The following UGT2B28 variants were observed in gnomAD, a reference collection of about 807,000 sequenced individuals.
UGT2B28 encodes the protein UDP glucuronosyltransferase family 2 member B28.
UGT2B28 carries 45 observed loss-of-function variants against 43.6 expected under a neutral mutation model. That is an observed-to-expected ratio of 1.03 (90% confidence interval 0.81 to 1.32). UGT2B28 has a LOEUF of 1.32. UGT2B28 is among the 40% of genes most tolerant of loss of function. UGT2B28 has a pLI of 0.00. For missense variants in UGT2B28, 649 were observed against 625.5 expected, an observed-to-expected ratio of 1.04 and a Z score of -0.40; for synonymous variants, 204 against 208.1, an observed-to-expected ratio of 0.98 and a Z score of 0.17.
At position 69,280,700 on chromosome 4, in the gene UGT2B28, A is replaced by G. The variant is rs1723571826; in HGVS notation, c.200A>G (p.Asn67Ser). The G allele has an allele frequency of 5.1e-6, 8 of 1,560,816 alleles. 1 individual carries two copies. Among genetic ancestry groups the G allele is most frequent in the Non-Finnish European group, 6.9e-6 (8 of 1,155,958 alleles). Residue 67 changes from asparagine (N) to serine (S), a missense_variant, in exon 1 of 6, where the codon AAT becomes AGT. By Grantham distance (46) the Asn-to-Ser change is conservative. Transcript: ENST00000335568. Reference protein sequence around the residue: ...ASSASILFDPNDAFTLKLEVY... With the variant: ...ASSASILFDPSDAFTLKLEVY... ...TCAGCTTCCATTCTTTTTGATCCCA[A>G]TGACGCATTCACTCTTAAACTCGAA...
At position 69,294,473 on chromosome 4, in the gene UGT2B28, T is replaced by A. The variant is rs561778775; in HGVS notation, c.1311-57T>A. 6.4e-6 allele frequency: 9 copies of A among 1,409,208 alleles called. 1 individual carries two copies. Among genetic ancestry groups the A allele is most frequent in the African/African-American group, 4.9e-5 (3 of 60,964 alleles). The allele number at this position is 1,409,208 out of a possible 1,614,324, so 87.3% of individuals were successfully genotyped here. A position where few individuals can be genotyped will look rare whatever the true frequency, so the allele number is the denominator to read the frequency against. ...CTTTAAAAGCCTTTCATAGACTTGA[T>A]ACATACAGGCCAGTTAACTTACTTT... On this transcript the variant is annotated intron_variant, in intron 5 of 5. Transcript: ENST00000335568.
In UGT2B28 at chr4:69,280,862, A is replaced by T; in HGVS notation, c.362A>T (p.Asp121Val). 1 of 1,559,292 alleles carries T rather than the reference A, an allele frequency of 6.4e-7. No individual in the cohort carries two copies. The highest frequency in any genetic ancestry group is 8.7e-7 in the Non-Finnish European group (1 of 1,155,548). ...QEQEILWEFHDIFRNFCKDVV... is the reference protein window; with the variant it reads ...QEQEILWEFHVIFRNFCKDVV... The stretch of plus-strand genomic sequence containing the variant: ...CAAGAAATCCTGTGGGAATTTCATG[A>T]CATATTTAGAAACTTCTGTAAAGAT... Residue 121 changes from aspartate (D) to valine (V), a missense_variant, in exon 1 of 6, where the codon GAC (aspartate) becomes GTC (valine). Transcript: ENST00000335568.
chr4:69,287,474 A>T (rs1430927795), intron 3 of UGT2B28, among the ~76,000 whole-genome samples: 1 of 140,952 alleles, frequency 7.1e-6, no homozygotes, highest in African/African-American at 2.8e-5. Flanking sequence ...ACAATTAAGG[A>T]ATGTACTATT....
At position 69,289,851 on chromosome 4, in the gene UGT2B28, A is replaced by G; in HGVS notation, c.1090+99A>G. 8 of 1,256,472 alleles carry G rather than the reference A, an allele frequency of 6.4e-6. 1 individual carries two copies. In the South Asian group the frequency reaches 1.3e-4, roughly 20 times the overall value. 77.8% of individuals were successfully genotyped at this position (1,256,472 alleles called of 1,614,324 possible). ...ATGCTTATTGAATATTTATTATAGGAAAACAAAAAGAACTTCTTTGTATTT... is the reference window on the plus strand; with the variant it reads ...ATGCTTATTGAATATTTATTATAGGGAAACAAAAAGAACTTCTTTGTATTT... On this transcript the variant is annotated intron_variant, in intron 4 of 5. Coordinates refer to ENST00000335568, the MANE Select transcript of UGT2B28 (RefSeq NM_053039.2).
intron 2 of UGT2B28, among the ~76,000 whole-genome samples, chr4:69,283,637 T>G (rs1723687288): frequency 7.1e-6 from 1 of 140,764 alleles, no homozygotes. Context: ...ACAAAACACT[T>G]AAAATGTCTC....
Position 69,281,036 on chromosome 4 carries a change from C to T in UGT2B28, c.536C>T (p.Thr179Ile). 3.2e-6 allele frequency: 5 copies of T among 1,559,302 alleles called. 1 individual carries two copies. The highest frequency in any genetic ancestry group is 4.3e-6 in the Non-Finnish European group (5 of 1,155,300). Residue 179 changes from threonine to isoleucine, a missense_variant, in exon 1 of 6, where the codon ACA (threonine) becomes ATA (isoleucine). Transcript: ENST00000335568. ...AGTCTCTGCTTCACTCCTGGCTACA[C>T]AATTGAAAGGCACAGTGGAGGACTG... ...VYSLCFTPGY[T>I]IERHSGGLIF...
At chr4:69,285,995 A>G (rs1469208015) in intron 2 of UGT2B28, among the ~76,000 whole-genome samples, 2 of 141,232 alleles carry the variant, frequency 1.4e-5, no homozygotes, top group African/African-American at 5.5e-5. Flanking sequence ...CTCCACCTAA[A>G]CAATAACCTG....
Position 69,289,648 on chromosome 4 carries a change from T to G in UGT2B28, c.1003-17T>G, listed in dbSNP as rs1319317178. 2.6e-6 allele frequency: 4 copies of G among 1,533,372 alleles called. No homozygotes were observed. The East Asian group carries it at 9.3e-5, about 36-fold the overall frequency. 95.0% of individuals were successfully genotyped at this position (1,533,372 alleles called of 1,614,324 possible). ...GAGTTCCACTCATGGAATAAGATAT[T>G]CTCTTTACTGTAACAGGTTCTGTGG... On this transcript the variant is annotated splice_polypyrimidine_tract_variant and intron_variant, in intron 3 of 5. Coordinates refer to ENST00000335568, the MANE Select transcript of UGT2B28 (RefSeq NM_053039.2).
intron 3 of UGT2B28, among the ~76,000 whole-genome samples, chr4:69,287,790 A>T (rs1269881202): frequency 1.4e-5 from 2 of 140,606 alleles, no homozygotes; most frequent in Non-Finnish European, 1.5e-5. Flanking sequence ...TATATAGAAT[A>T]AACCAGGGAC....
In UGT2B28 at chr4:69,287,752, T is replaced by A. The variant is rs1163216151; in HGVS notation, c.1002+869T>A. ...GGAACAGGTTTAGATGTCCCCTCCA[T>A]AGAACATAGTAGGAATGTATTTTCT... On this transcript the variant is annotated intron_variant, in intron 3 of 5. Transcript: ENST00000335568. Among the ~76,000 whole-genome samples, 3 of 140,312 alleles carry A rather than the reference T, an allele frequency of 2.1e-5. 1 individual carries two copies. The highest frequency in any genetic ancestry group is 8.4e-5 in the African/African-American group (3 of 35,894). 92.1% of individuals were successfully genotyped at this position (140,312 alleles called of 152,430 possible). A position where few individuals can be genotyped will look rare whatever the true frequency, so the allele number is the denominator to read the frequency against.
In UGT2B28 at chr4:69,280,809, T is replaced by G. The variant is rs765016723; in HGVS notation, c.309T>G (p.Asp103Glu). 6.4e-7 allele frequency: 1 copy of G among 1,566,914 alleles called. No homozygotes were observed. Among genetic ancestry groups the G allele is most frequent in the Non-Finnish European group, 8.6e-7 (1 of 1,158,426 alleles). The change falls in exon 1 of 6, where the codon GAT becomes GAG. Residue 103 changes from aspartate (D) to glutamate (E), a missense_variant. Physicochemically the swap from Asp to Glu is conservative, Grantham distance 45. Coordinates refer to ENST00000335568, the MANE Select transcript of UGT2B28 (RefSeq NM_053039.2). ...QVKRWSDIQKDSFWLYFSQEQ... is the reference protein window; with the variant it reads ...QVKRWSDIQKESFWLYFSQEQ... The stretch of plus-strand genomic sequence containing the variant: ...AGAGATGGTCAGACATTCAAAAAGA[T>G]AGCTTTTGGTTATATTTTTCACAAG...
chr4:69,291,428 T>A (rs538122436), intron 5 of UGT2B28, among the ~76,000 whole-genome samples: 2 of 141,028 alleles, frequency 1.4e-5, no homozygotes, highest in South Asian at 4.7e-4. Flanking sequence ...TTTGTTTTCT[T>A]TCTCTATAAG....
chr4:69,290,960 T>C, intron 5 of UGT2B28, 149 bp downstream of exon 5: 1 of 1,159,934 alleles, frequency 8.6e-7, no homozygotes, highest in African/African-American at 1.8e-5. Context: ...GTTTTTTATC[T>C]GTTATTTAAA....
At chr4:69,291,063 A>C (rs1452988691) in intron 5 of UGT2B28, among the ~76,000 whole-genome samples, 2 of 140,924 alleles carry the variant, frequency 1.4e-5, no homozygotes, top group Non-Finnish European at 3.0e-5. Context: ...AGATAATATA[A>C]AAAATACATT....
At chr4:69,293,337 G>A (rs1724005703) in intron 5 of UGT2B28, among the ~76,000 whole-genome samples, 1 of 140,022 alleles carries the variant, frequency 7.1e-6, no homozygotes, top group African/African-American at 2.8e-5. Context: ...AGGTAAATTG[G>A]TATCTTCACC....
chr4:69,282,899 A>G (rs1187082044), intron 2 of UGT2B28, among the ~76,000 whole-genome samples: 1 of 140,120 alleles, frequency 7.1e-6, no homozygotes, highest in Non-Finnish European at 1.5e-5. Flanking sequence ...GGGTTGATTA[A>G]AGTCTTGATT....
rs1158301174 is a variant in UGT2B28 at position 69,291,291 on chromosome 4, T to C, written c.1310+480T>C. On this transcript the variant is annotated intron_variant, in intron 5 of 5. Coordinates refer to ENST00000335568, the MANE Select transcript of UGT2B28 (RefSeq NM_053039.2). The stretch of plus-strand genomic sequence containing the variant: ...TTATGCCATAAAATCCAAATGTTTT[T>C]ACTATGTTTACAGAGTCATGAAACT... 4.3e-5 allele frequency among the ~76,000 whole-genome samples: 6 copies of C among 140,158 alleles called. No homozygotes were observed. The East Asian group carries it at 1.2e-3, about 29-fold the overall frequency. The allele number at this position is 140,158 out of a possible 152,430, so 91.9% of individuals were successfully genotyped here. A position where few individuals can be genotyped will look rare whatever the true frequency, so the allele number is the denominator to read the frequency against.
chr4:69,282,294 T>G (rs1331002133), intron 1 of UGT2B28, among the ~76,000 whole-genome samples: 1 of 140,016 alleles, frequency 7.1e-6, no homozygotes, highest in Non-Finnish European at 1.5e-5. Context: ...TCGCTTAACT[T>G]CATAATTCTC....
rs763922761 is a variant in UGT2B28 at position 69,285,281 on chromosome 4, G to C, written c.871-1471G>C. 1.8e-4 allele frequency among the ~76,000 whole-genome samples: 25 copies of C among 140,028 alleles called. 2 individuals are homozygous for C. Among genetic ancestry groups the C allele is most frequent in the Non-Finnish European group, 2.4e-4 (16 of 65,728 alleles). 91.9% of individuals were successfully genotyped at this position (140,028 alleles called of 152,430 possible). A position where few individuals can be genotyped will look rare whatever the true frequency, so the allele number is the denominator to read the frequency against. On this transcript the variant is annotated intron_variant, in intron 2 of 5. Coordinates refer to ENST00000335568, the MANE Select transcript of UGT2B28 (RefSeq NM_053039.2). Reference sequence around the variant, plus strand: ...ATAATATCTCTAGGTAGAAATTTTAGAAAAATTATTTTTTAAAACGCTTTT... The same window carrying C: ...ATAATATCTCTAGGTAGAAATTTTACAAAAATTATTTTTTAAAACGCTTTT...
Sources: gnomAD v4.1 joint callset for allele counts (sites outside exome capture counted in the v4.1 genomes callset) on GRCh38, gnomAD v4.1.1 for gene constraint, MANE v1.5 for transcripts, NCBI Gene and HGNC (gene_info 2026-07-23, HGNC 2026-07-21) for gene names.